The following HECTD4 variants were observed in gnomAD, a reference collection of about 807,000 sequenced individuals.
HECTD4 encodes HECT domain E3 ubiquitin protein ligase 4.
A neutral mutation model predicts 471.5 loss-of-function variants in HECTD4; 114 were observed. The observed-to-expected ratio is 0.24, with a 90% CI of 0.21 to 0.28. The LOEUF is 0.28. Ranked by LOEUF, HECTD4 falls within the 10% of genes least tolerant of loss-of-function variation. HECTD4 has a pLI of 1.00. For synonymous variants in HECTD4, 2,012 were observed against 2,256.0 expected, an observed-to-expected ratio of 0.89 and a Z score of 3.07; for missense variants, 3,866 against 5,651.5, an observed-to-expected ratio of 0.68 and a Z score of 10.13.
Position 112,179,292 on chromosome 12 carries a change from A to C in HECTD4, c.11093T>G (p.Val3698Gly), listed in dbSNP as rs1264240510. The change falls in exon 63 of 76, where the codon GTC (valine) becomes GGC (glycine). Residue 3698 changes from valine (V) to glycine (G), a missense_variant. Coordinates refer to ENST00000682272, the MANE Select transcript of HECTD4 (RefSeq NM_001388303.1). The surrounding 1 kb of genome is among the most constrained non-coding windows in gnomAD (Gnocchi z 4.3). ...LSLTPAKPIR[V>G]SDIYLSKEQI... ...CTCTTTGCTAAGATAAATGTCAGAGACTCTGATGGGCTTCGCTGGTGTCAG... is the reference window on the plus strand; with the variant it reads ...CTCTTTGCTAAGATAAATGTCAGAGCCTCTGATGGGCTTCGCTGGTGTCAG... 1 of 1,613,366 alleles carries C rather than the reference A, an allele frequency of 6.2e-7. No individual in the cohort carries two copies. Among genetic ancestry groups the C allele is most frequent in the East Asian group, 2.2e-5 (1 of 44,870 alleles).
At chr12:112,331,073 TTTG>T (rs745433231) in intron 1 of HECTD4, among the ~76,000 whole-genome samples, 1 of 151,874 alleles carries the variant, frequency 6.6e-6, no homozygotes, top group Non-Finnish European at 1.5e-5. Context: ...TGTGTTTTGG[TTTG>T]TTTTGTTTTT....
At chr12:112,314,230 T>A (rs2035434484) in intron 3 of HECTD4, among the ~76,000 whole-genome samples, 1 of 152,100 alleles carries the variant, frequency 6.6e-6, no homozygotes, top group Non-Finnish European at 1.5e-5. Context: ...AGCTATTGCA[T>A]TTTTAAAGAC....
At position 112,190,937 on chromosome 12, in the gene HECTD4, C is replaced by T. The variant is rs770863706; in HGVS notation, c.9321G>A (p.Leu3107=). The T allele has an allele frequency of 1.9e-5, 29 of 1,566,030 alleles. No homozygotes were observed. The South Asian group carries it at 3.4e-4, about 18-fold the overall frequency. Residue 3107 remains leucine, a synonymous_variant, in exon 60 of 76, where the codon CTG becomes CTA. Transcript: ENST00000682272. ...ACTCCAGGGGCAGGGAATGTAACAC[C>T]AGGACTGCTCCAGGAGGTGGAGACA... ...LGVSPPPGAV[L]VLHSLPLEFP...
At chr12:112,350,193 C>T (rs756879444) in intron 1 of HECTD4, among the ~76,000 whole-genome samples, 1 of 152,098 alleles carries the variant, frequency 6.6e-6, no homozygotes, top group Non-Finnish European at 1.5e-5. Context: ...CAAGTCATCT[C>T]GTGCCTTGGC....
chr12:112,332,027 G>A (rs1566114742), intron 1 of HECTD4, among the ~76,000 whole-genome samples: 1 of 152,068 alleles, frequency 6.6e-6, no homozygotes, highest in Admixed American at 6.6e-5. Flanking sequence ...TTAAGGAACT[G>A]GGGATGCGTG....
chr12:112,176,835 C>A (rs374244646), intron 64 of HECTD4, 133 bp from the exon 65 acceptor site: 51 of 680,080 alleles, frequency 7.5e-5, no homozygotes, highest in East Asian at 3.2e-4. Flanking sequence ...AGGGCGGGGG[C>A]GTTCAAGACC....
intron 1 of HECTD4, among the ~76,000 whole-genome samples, chr12:112,357,549 T>C (rs1594071840): frequency 6.6e-6 from 1 of 152,106 alleles, no homozygotes; most frequent in South Asian, 2.1e-4. Flanking sequence ...TTACTTCCAC[T>C]CAGGGTAGGA....
chr12:112,289,209 C>T (rs2034822984), intron 7 of HECTD4, among the ~76,000 whole-genome samples: 1 of 152,104 alleles, frequency 6.6e-6, no homozygotes, highest in Non-Finnish European at 1.5e-5. Context: ...AAGCGATCCT[C>T]CCACCTCATG....
rs538079748 is a variant in HECTD4 at position 112,173,942 on chromosome 12, A to T, written c.11595-1081T>A. Among the ~76,000 whole-genome samples, 36 of 152,210 alleles carry T rather than the reference A, an allele frequency of 2.4e-4. No homozygotes were observed. Among genetic ancestry groups the T allele is most frequent in the South Asian group, 1.0e-3 (5 of 4,826 alleles). On this transcript the variant is annotated intron_variant, in intron 66 of 75. Transcript: ENST00000682272. The surrounding 1 kb of genome is among the most constrained non-coding windows in gnomAD (Gnocchi z 4.3). ...TTCTCAATTCTGAAAATGGATTTTT[A>T]AAAAAAGCATGTTTTGGTAGCCATT...
intron 65 of HECTD4, 77 bp downstream of exon 65, chr12:112,176,519 C>A (rs2031454210): frequency 3.0e-6 from 3 of 1,006,420 alleles, no homozygotes; most frequent in Non-Finnish European, 4.7e-6. Flanking sequence ...AAAGCAGAGG[C>A]CTGCTCCTCG....
chr12:112,254,043 CT>C lies in HECTD4; in HGVS notation c.3446del (p.Lys1149ArgfsTer13). ...LGTGWPKDLV[K>X]VEGDTVTFSF... ...AAGCGATTATGACTGAATACCATAC[CT>C]TCACCAAGTCTTTCGGCCAACCAGT... On this transcript the variant is annotated frameshift_variant and splice_region_variant, in exon 22 of 76. Coordinates refer to ENST00000682272, the MANE Select transcript of HECTD4 (RefSeq NM_001388303.1). LOFTEE classifies it high-confidence loss of function. 1 of 1,613,844 alleles carries C rather than the reference CT, an allele frequency of 6.2e-7. No individual in the cohort carries two copies. The highest frequency in any genetic ancestry group is 8.5e-7 in the Non-Finnish European group (1 of 1,179,822).
intron 1 of HECTD4, among the ~76,000 whole-genome samples, chr12:112,335,776 C>T (rs1157802089): frequency 2.0e-5 from 3 of 152,220 alleles, no homozygotes; most frequent in Middle Eastern, 3.4e-3. Flanking sequence ...AATGAACTTA[C>T]TCATGGAACC....
chr12:112,230,002 G>A (rs1208415066), intron 40 of HECTD4, 122 bp from the exon 41 acceptor site: 3 of 871,236 alleles, frequency 3.4e-6, no homozygotes, highest in Non-Finnish European at 5.1e-6. Flanking sequence ...GGACATGTGA[G>A]GGACCAAAAA....
intron 47 of HECTD4, 151 bp downstream of exon 47, chr12:112,216,622 G>A: frequency 1.1e-6 from 1 of 931,076 alleles, no homozygotes; most frequent in Non-Finnish European, 1.6e-6. Context: ...TCTTACTAAT[G>A]TGCACTGGAA....
At position 112,192,772 on chromosome 12, in the gene HECTD4, A is replaced by G. The variant is rs1475085198; in HGVS notation, c.9087-7T>C. The G allele has an allele frequency of 6.4e-7, 1 of 1,570,162 alleles. No individual in the cohort carries two copies. Among genetic ancestry groups the G allele is most frequent in the Admixed American group, 1.9e-5 (1 of 53,126 alleles). ...TGCCTTGTACAGAGAGGAGCTGAGA[A>G]GGAGGGATGGGTGGGTGTTAATACA... On this transcript the variant is annotated splice_region_variant and splice_polypyrimidine_tract_variant and intron_variant, in intron 58 of 75. Coordinates refer to ENST00000682272, the MANE Select transcript of HECTD4 (RefSeq NM_001388303.1).
At chr12:112,367,516 A>G (rs1306828185) in intron 1 of HECTD4, among the ~76,000 whole-genome samples, 1 of 151,812 alleles carries the variant, frequency 6.6e-6, no homozygotes, top group Admixed American at 6.6e-5. Context: ...TTATTTATAA[A>G]CTCAACTGAA....
intron 48 of HECTD4, among the ~76,000 whole-genome samples, chr12:112,214,747 G>T (rs1445865719): frequency 6.6e-6 from 1 of 152,172 alleles, no homozygotes; most frequent in Non-Finnish European, 1.5e-5. Flanking sequence ...AAGCACTTAG[G>T]TAAGTACTCT....
In HECTD4 at chr12:112,213,876, G is replaced by C. The variant is rs2032837295; in HGVS notation, c.7466-1226C>G. On this transcript the variant is annotated intron_variant, in intron 48 of 75. Coordinates refer to ENST00000682272, the MANE Select transcript of HECTD4 (RefSeq NM_001388303.1). This position sits in a 1 kb window ranked among gnomAD's most constrained non-coding sequence, Gnocchi z 4.0. ...GTCTCTACAAAAAATACAGAAATTA[G>C]TCAGGCATGGTAGTGTGTGCCTATG... Among the ~76,000 whole-genome samples the C allele has an allele frequency of 6.6e-6, 1 of 151,526 alleles. No homozygotes were observed. Among genetic ancestry groups the C allele is most frequent in the African/African-American group, 2.4e-5 (1 of 41,298 alleles).
At chr12:112,215,902 GAATT>G in intron 48 of HECTD4, among the ~76,000 whole-genome samples, 1 of 152,274 alleles carries the variant, frequency 6.6e-6, no homozygotes, top group African/African-American at 2.4e-5. Flanking sequence ...CCAAATGCTG[GAATT>G]ATAGGCGTGA....
Sources: allele counts gnomAD v4.1 joint callset (sites outside exome capture counted in the v4.1 genomes callset), GRCh38; gene constraint gnomAD v4.1.1; non-coding constraint Gnocchi (gnomAD v3.1); transcripts MANE v1.5; gene names NCBI Gene and HGNC (gene_info 2026-07-23, HGNC 2026-07-21).